EXOC4: variants seen among roughly 807,000 people sequenced by gnomAD.
EXOC4 encodes SEC8-like 1.
EXOC4 carries 71 observed loss-of-function variants against 107.2 expected under a neutral mutation model. That is an observed-to-expected ratio of 0.66 (90% CI 0.55 to 0.81). The LOEUF is 0.81. EXOC4 is among the 30% of genes least tolerant of loss of function. The probability of loss-of-function intolerance (pLI) is 0.00; values close to 1 mark genes in which losing one functional copy is unlikely to be tolerated. For synonymous variants in EXOC4, 456 were observed against 441.2 expected, an observed-to-expected ratio of 1.03 and a Z score of -0.42; for missense variants, 1,108 against 1,189.6, an observed-to-expected ratio of 0.93 and a Z score of 1.01.
chr7:134,050,569 A>G (rs1192453331), intron 17 of EXOC4, among the ~76,000 whole-genome samples: 1 of 152,206 alleles, frequency 6.6e-6, no homozygotes, highest in Non-Finnish European at 1.5e-5. Flanking sequence ...GAAGAAATAA[A>G]TTGCTCAGGA....
At chr7:133,362,704 T>C (rs1027554892) in intron 6 of EXOC4, among the ~76,000 whole-genome samples, 2 of 152,234 alleles carry the variant, frequency 1.3e-5, no homozygotes, top group Admixed American at 1.3e-4. Flanking sequence ...AAGGATAGTT[T>C]TATAGTATGA....
chr7:133,696,243 T>C (rs1208538247), intron 10 of EXOC4, among the ~76,000 whole-genome samples: 1 of 152,206 alleles, frequency 6.6e-6, no homozygotes, highest in Non-Finnish European at 1.5e-5. Context: ...AACCAGTTTC[T>C]GTTGTCAATG....
At chr7:133,542,169 TTGTG>T (rs3046171) in intron 9 of EXOC4, among the ~76,000 whole-genome samples, 1 of 147,056 alleles carries the variant, frequency 6.8e-6, no homozygotes, top group African/African-American at 2.5e-5. Flanking sequence ...AAATTTTATC[TTGTG>T]TGTGTGTGTG....
At chr7:133,293,702 T>C (rs1479961484) in intron 3 of EXOC4, among the ~76,000 whole-genome samples, 8 of 152,210 alleles carry the variant, frequency 5.3e-5, no homozygotes, top group Admixed American at 5.2e-4. Context: ...AACCGAGTAT[T>C]GCATAAAATA....
intron 17 of EXOC4, among the ~76,000 whole-genome samples, chr7:134,040,292 C>CTG (rs1795484986): frequency 6.6e-6 from 1 of 152,186 alleles, no homozygotes; most frequent in South Asian, 2.1e-4. Flanking sequence ...AAAAACTTGC[C>CTG]TGATAACTGT....
At chr7:133,651,292 A>G (rs1319924381) in intron 10 of EXOC4, among the ~76,000 whole-genome samples, 4 of 152,214 alleles carry the variant, frequency 2.6e-5, no homozygotes, top group Non-Finnish European at 5.9e-5. Flanking sequence ...GGAACTTTTC[A>G]TTCAAACTTG....
intron 10 of EXOC4, among the ~76,000 whole-genome samples, chr7:133,708,572 G>A (rs912190708): frequency 6.6e-6 from 1 of 152,164 alleles, no homozygotes; most frequent in African/African-American, 2.4e-5. Flanking sequence ...TGAGAGAGAA[G>A]TGTCCATTTT....
chr7:134,063,331 C>G (rs1330953006), intron 17 of EXOC4, among the ~76,000 whole-genome samples: 1 of 152,216 alleles, frequency 6.6e-6, no homozygotes, highest in Non-Finnish European at 1.5e-5. Context: ...GCGATTTCTC[C>G]TCCTCTGCTA....
chr7:133,356,514 C>G lies in EXOC4; in HGVS notation c.948C>G (p.Thr316=). ...ELKQIVKRST[T]QVADSGYQRG... is the part of the protein sequence containing the mutation. ...AGCAAATTGTGAAGAGGTCTACAAC[C>G]CAGGTGGCAGACAGTGGCTATCAGC... is the stretch of plus-strand genomic sequence containing the variant. Residue 316 remains threonine, a synonymous_variant, in exon 6 of 18, where the codon ACC becomes ACG. Transcript: ENST00000253861. 1 of 1,614,018 alleles carries G rather than the reference C, an allele frequency of 6.2e-7. No individual in the cohort carries two copies. Among genetic ancestry groups the G allele is most frequent in the Non-Finnish European group, 8.5e-7 (1 of 1,179,974 alleles).
At chr7:133,299,354 G>C (rs1423756791) in intron 3 of EXOC4, among the ~76,000 whole-genome samples, 1 of 152,076 alleles carries the variant, frequency 6.6e-6, no homozygotes, top group Non-Finnish European at 1.5e-5. Flanking sequence ...CGTTCTGTGA[G>C]GCTCAGGCTG....
intron 10 of EXOC4, among the ~76,000 whole-genome samples, chr7:133,806,674 G>T (rs1741099073): frequency 6.6e-6 from 1 of 152,080 alleles, no homozygotes; most frequent in African/African-American, 2.4e-5. Flanking sequence ...CCTTTGAGAG[G>T]CTTTGATATT....
At chr7:133,955,255 C>T (rs1199723260) in intron 14 of EXOC4, among the ~76,000 whole-genome samples, 1 of 152,204 alleles carries the variant, frequency 6.6e-6, no homozygotes, top group Non-Finnish European at 1.5e-5. Context: ...AACAAAACAG[C>T]TCAGTGGAGA....
At chr7:133,961,280 CTTTTTTTTT>C (rs34400471) in intron 14 of EXOC4, among the ~76,000 whole-genome samples, 1 of 77,010 alleles carries the variant, frequency 1.3e-5, no homozygotes, top group African/African-American at 5.5e-5. Flanking sequence ...TCATGTCAAA[CTTTTTTTTT>C]TTTTTTTTTT....
intron 14 of EXOC4, among the ~76,000 whole-genome samples, chr7:133,971,355 TATATATAGAGAGAGAG>T (rs1801222715): frequency 9.8e-6 from 1 of 101,724 alleles, no homozygotes; most frequent in African/African-American, 4.4e-5. Context: ...TATATATATA[TATATATAGAGAGAGAG>T]AGAGAGAGAG....
At chr7:133,910,961 A>G (rs1009110251) in intron 12 of EXOC4, among the ~76,000 whole-genome samples, 6 of 152,164 alleles carry the variant, frequency 3.9e-5, no homozygotes, top group Admixed American at 1.3e-4. Context: ...GCACTTCCCA[A>G]CTGTTCCAGA....
At chr7:133,608,498 G>A (rs974295483) in intron 9 of EXOC4, among the ~76,000 whole-genome samples, 1 of 151,556 alleles carries the variant, frequency 6.6e-6, no homozygotes, top group African/African-American at 2.4e-5. Context: ...TAGTGGATGT[G>A]GGGAAAATTA....
chr7:133,497,194 G>A (rs1040790677), intron 9 of EXOC4, among the ~76,000 whole-genome samples: 1 of 152,102 alleles, frequency 6.6e-6, no homozygotes, highest in Admixed American at 6.5e-5. Flanking sequence ...TTTCAGCATA[G>A]TAAAACCCTA....
At chr7:133,817,033 A>G (rs1031179449) in intron 10 of EXOC4, among the ~76,000 whole-genome samples, 1 of 151,840 alleles carries the variant, frequency 6.6e-6, no homozygotes, top group South Asian at 2.1e-4. Context: ...TGTTTTTCAC[A>G]TTTTCCCATT....
intron 5 of EXOC4, among the ~76,000 whole-genome samples, chr7:133,330,038 A>T (rs927556412): frequency 6.6e-6 from 1 of 151,970 alleles, no homozygotes; most frequent in Non-Finnish European, 1.5e-5. Context: ...CCCTTCCCCT[A>T]GGTGCTCTGT....
Sources: gnomAD v4.1 joint callset for allele counts (sites outside exome capture counted in the v4.1 genomes callset) on GRCh38, gnomAD v4.1.1 for gene constraint, MANE v1.5 for transcripts, NCBI Gene and HGNC (gene_info 2026-07-23, HGNC 2026-07-21) for gene names.